The following DDB1 variants were observed in gnomAD, a reference collection of about 807,000 sequenced individuals.
DDB1 encodes the protein damage specific DNA binding protein 1, also known as DNA damage-binding protein 1.
Under a neutral mutation model 133.1 loss-of-function variants are expected in DDB1, and 18 were observed. The observed-to-expected ratio is 0.14, with a 90% CI of 0.09 to 0.20. DDB1 has a LOEUF of 0.20. Ranked by LOEUF, DDB1 falls within the 10% of genes least tolerant of loss-of-function variation. DDB1 has a pLI of 1.00. For synonymous variants in DDB1, 580 were observed against 550.5 expected (o/e 1.05, Z -0.75); for missense variants, 828 against 1,459.2 (o/e 0.57, Z 7.05).
intron 7 of DDB1, 189 bp downstream of exon 7, chr11:61,323,790 A>T: frequency 3.3e-6 from 2 of 602,198 alleles, no homozygotes. Context: ...GCTTGGATAG[A>T]TTATCACAGG....
At position 61,323,731 on chromosome 11, in the gene DDB1, C is replaced by T. The variant is rs1041826962; in HGVS notation, c.921+248G>A. 61 of 451,670 alleles carry T rather than the reference C, an allele frequency of 1.4e-4. 1 individual carries two copies. Among genetic ancestry groups the T allele is most frequent in the Admixed American group, 3.4e-5 (1 of 29,170 alleles). 28.0% of individuals were successfully genotyped at this position (451,670 alleles called of 1,614,324 possible). A position where few individuals can be genotyped will look rare whatever the true frequency, so the allele number is the denominator to read the frequency against. On this transcript the variant is annotated intron_variant, in intron 7 of 26. Coordinates refer to ENST00000301764, the MANE Select transcript of DDB1 (RefSeq NM_001923.5). The stretch of plus-strand genomic sequence containing the variant: ...AACCAGCTAGATTGATCTTTAATTC[C>T]AGATTATATCCTTTTCTGTTTCCCT...
At chr11:61,300,785 A>G (rs763537244) in intron 26 of DDB1, 24 bp downstream of exon 26, 19 of 1,613,652 alleles carry the variant, frequency 1.2e-5, no homozygotes, top group East Asian at 2.2e-5. Flanking sequence ...TGTCTGGCCC[A>G]GGGTTAAACA....
At chr11:61,324,290 T>A in intron 6 of DDB1, 153 bp from the exon 7 acceptor site, 1 of 740,274 alleles carries the variant, frequency 1.4e-6, no homozygotes, top group African/African-American at 1.8e-5. Context: ...TAGATCCTAT[T>A]GCCCATTAAT....
chr11:61,302,991 G>A, intron 23 of DDB1, 55 bp downstream of exon 23: 2 of 1,517,982 alleles, frequency 1.3e-6, no homozygotes, highest in Non-Finnish European at 1.8e-6. Context: ...GCATCCACCA[G>A]AGACCAAGGA....
chr11:61,321,758 T>C, intron 9 of DDB1, 61 bp from the exon 10 acceptor site: 8 of 1,449,952 alleles, frequency 5.5e-6, no homozygotes, highest in Non-Finnish European at 6.8e-6. Context: ...GTCATACTGA[T>C]GCCCAGAAAG....
At chr11:61,323,874 G>A in intron 7 of DDB1, 105 bp downstream of exon 7, 1 of 1,263,648 alleles carries the variant, frequency 7.9e-7, no homozygotes, top group Non-Finnish European at 1.1e-6. Context: ...TTTGTTGTTA[G>A]GTGTTAAGTA....
At chr11:61,320,219 G>A (rs1216561084) in intron 10 of DDB1, among the ~76,000 whole-genome samples, 1 of 123,888 alleles carries the variant, frequency 8.1e-6, no homozygotes, top group Admixed American at 8.5e-5. Context: ...TTTTTTTTTT[G>A]AGATGGAGTC....
intron 6 of DDB1, among the ~76,000 whole-genome samples, chr11:61,325,128 A>T (rs1192042238): frequency 6.6e-6 from 1 of 152,140 alleles, no homozygotes; most frequent in Non-Finnish European, 1.5e-5. Context: ...AGCCTGGGCA[A>T]CAAGAGCAAA....
chr11:61,316,948 T>C lies in DDB1; in HGVS notation c.1226-381A>G, dbSNP rs1352533193. On this transcript the variant is annotated intron_variant, in intron 10 of 26. Transcript: ENST00000301764. The stretch of plus-strand genomic sequence containing the variant: ...AAAAAAAAAAAAAAAAAAGGATAGA[T>C]ATATATATATATATATATATATATA... Among the ~76,000 whole-genome samples, 3 of 3,998 alleles carry C rather than the reference T, an allele frequency of 7.5e-4. 1 individual carries two copies. Among genetic ancestry groups the C allele is most frequent in the Non-Finnish European group, 1.3e-3 (3 of 2,238 alleles). The allele number at this position is 3,998 out of a possible 152,430, so 2.6% of individuals were successfully genotyped here.
At chr11:61,301,464 G>C (rs924372020) in intron 25 of DDB1, 4 of 152,690 alleles carry the variant, frequency 2.6e-5, no homozygotes, top group African/African-American at 7.3e-5. Flanking sequence ...CCAGCTATTC[G>C]GGAGGCTGAG....
intron 16 of DDB1, among the ~76,000 whole-genome samples, chr11:61,312,467 C>T (rs766419288): frequency 1.4e-4 from 21 of 150,822 alleles, no homozygotes; most frequent in Non-Finnish European, 2.2e-4. Flanking sequence ...GGGGCTTGAG[C>T]ATCTGCATTT....
chr11:61,318,650 T>TTG (rs1391001242), intron 10 of DDB1, among the ~76,000 whole-genome samples: 5 of 152,266 alleles, frequency 3.3e-5, no homozygotes. Context: ...TTTATCTGGT[T>TTG]TGTCATTTCT....
At position 61,302,768 on chromosome 11, in the gene DDB1, A is replaced by C. The variant is rs748580194; in HGVS notation, c.2943-17T>G. The C allele has an allele frequency of 8.7e-6, 14 of 1,613,918 alleles. No individual in the cohort carries two copies. The East Asian group carries it at 3.1e-4, about 36-fold the overall frequency. On this transcript the variant is annotated splice_polypyrimidine_tract_variant and intron_variant, in intron 23 of 26. Transcript: ENST00000301764. ...GTGGCAGCGCTGAAAGGCGGTAAGA[A>C]AGTCACTTTCTGAACCTCCTGTTTC...
chr11:61,318,202 A>C (rs978330939), intron 10 of DDB1, among the ~76,000 whole-genome samples: 8 of 152,240 alleles, frequency 5.3e-5, no homozygotes, highest in Non-Finnish European at 5.9e-5. Context: ...ATCTATAATT[A>C]TTAAATTATG....
chr11:61,310,560 G>T (rs1855947974), intron 18 of DDB1, 142 bp from the exon 19 acceptor site: 1 of 951,900 alleles, frequency 1.1e-6, no homozygotes, highest in African/African-American at 1.7e-5. Context: ...AGGAGCCTGA[G>T]GAGAGTGTTT....
At chr11:61,317,062 T>TCTG (rs1178177350) in intron 10 of DDB1, among the ~76,000 whole-genome samples, 2 of 145,230 alleles carry the variant, frequency 1.4e-5, no homozygotes, top group Non-Finnish European at 3.0e-5. Flanking sequence ...GAACCCCCTC[T>TCTG]CTGCTCCTTC....
In DDB1 at chr11:61,303,060, C is replaced by G. The variant is rs369730605; in HGVS notation, c.2928G>C (p.Val976=). ...CCACTACTCACCTATCCTTTTGACA[C>G]ACAAACAAGTTAAAGGCATTTTCAG... ...LGAENAFNLF[V]CQKDSAATTD... is the part of the protein sequence containing the mutation. The change falls in exon 23 of 27, where the codon GTG becomes GTC. Residue 976 remains valine (V), a synonymous_variant. Transcript: ENST00000301764. 1 of 1,614,182 alleles carries G rather than the reference C, an allele frequency of 6.2e-7. No homozygotes were observed. The highest frequency in any genetic ancestry group is 1.3e-5 in the African/African-American group (1 of 75,060).
At chr11:61,331,425 C>T (rs1421416028) in intron 2 of DDB1, 118 bp downstream of exon 2, 2 of 1,381,796 alleles carry the variant, frequency 1.4e-6, no homozygotes, top group East Asian at 5.0e-5. Flanking sequence ...TCAAGACATC[C>T]TGGGCAACAC....
chr11:61,322,438 T>C, intron 8 of DDB1, 26 bp from the exon 9 acceptor site: 1 of 1,581,970 alleles, frequency 6.3e-7, no homozygotes, highest in Non-Finnish European at 8.7e-7. Context: ...AATGTTATGT[T>C]AGTCCTAGAA....
Sources: allele counts gnomAD v4.1 joint callset (sites outside exome capture counted in the v4.1 genomes callset), GRCh38; gene constraint gnomAD v4.1.1; transcripts MANE v1.5; gene names NCBI Gene and HGNC (gene_info 2026-07-23, HGNC 2026-07-21).